The following SCN2A variants were observed in gnomAD, a reference collection of about 807,000 sequenced individuals.
The protein encoded by SCN2A is sodium channel protein type 2 subunit alpha.
Under a neutral mutation model 188.7 loss-of-function variants are expected in SCN2A, and 20 were observed. The observed-to-expected ratio is 0.11, with a 90% CI of 0.07 to 0.15. SCN2A has a LOEUF of 0.15. Among genes scored for constraint, SCN2A ranks in the 10% least tolerant of loss-of-function variants. The pLI, the probability that SCN2A is intolerant of heterozygous loss-of-function variation, is 1.00. For synonymous variants in SCN2A, 804 were observed against 833.1 expected, an observed-to-expected ratio of 0.97 and a Z score of 0.60; for missense variants, 1,278 against 2,445.0, an observed-to-expected ratio of 0.52 and a Z score of 10.07.
chr2:165,240,659 C>CTG (rs35247335), intron 1 of SCN2A, among the ~76,000 whole-genome samples: 29,952 of 136,284 alleles, frequency 0.22, 3,345 homozygotes, highest in Non-Finnish European at 0.24. Flanking sequence ...GTGGAAAGAG[C>CTG]TGTGTGTGTG....
intron 1 of SCN2A, among the ~76,000 whole-genome samples, chr2:165,255,459 G>A (rs16850290): frequency 0.33 from 50,168 of 151,684 alleles, 8,338 homozygotes; most frequent in Admixed American, 0.4. Context: ...CTCCATAAGC[G>A]TATTATTTTA....
chr2:165,276,403 A>T (rs918662102), intron 1 of SCN2A, among the ~76,000 whole-genome samples: 11 of 120,562 alleles, frequency 9.1e-5, no homozygotes, highest in Admixed American at 4.6e-4. Context: ...ATTTTAATTT[A>T]AAAAAAATGT....
chr2:165,300,140 A>T (rs181023838), intron 3 of SCN2A, among the ~76,000 whole-genome samples: 1 of 152,228 alleles, frequency 6.6e-6, no homozygotes, highest in Admixed American at 6.5e-5. Context: ...GTTAAAAATA[A>T]TCTATGTTCC....
In SCN2A at chr2:165,389,879, G is replaced by A; in HGVS notation, c.*55G>A. 1.9e-6 allele frequency: 3 copies of A among 1,544,006 alleles called. No homozygotes were observed. Among genetic ancestry groups the A allele is most frequent in the South Asian group, 1.2e-5 (1 of 83,518 alleles). ...TCAATTGTTTACAGCCCGTGATGGT[G>A]ATGTGTTTGTGTCAACAGGACTCCC... is the stretch of plus-strand genomic sequence containing the variant. On this transcript the variant is annotated 3_prime_UTR_variant, in exon 27 of 27. Coordinates refer to ENST00000375437, the MANE Select transcript of SCN2A (RefSeq NM_001040142.2). This position sits in a 1 kb window ranked among gnomAD's most constrained non-coding sequence, Gnocchi z 4.2.
intron 13 of SCN2A, 69 bp from the exon 14 acceptor site, chr2:165,331,261 A>T: frequency 8.1e-7 from 1 of 1,231,672 alleles, no homozygotes; most frequent in Non-Finnish European, 1.2e-6. Context: ...AATTCCTTTT[A>T]ATTTAAACCA....
At chr2:165,305,919 A>C (rs1054890887) in intron 3 of SCN2A, among the ~76,000 whole-genome samples, 1 of 152,166 alleles carries the variant, frequency 6.6e-6, no homozygotes, top group African/African-American at 2.4e-5. Flanking sequence ...AGACGTAAGC[A>C]AGTTTGTGTT....
At chr2:165,379,999 A>G (rs1701514406) in intron 23 of SCN2A, among the ~76,000 whole-genome samples, 1 of 151,990 alleles carries the variant, frequency 6.6e-6, no homozygotes, top group Admixed American at 6.6e-5. Flanking sequence ...TTCAGAAAGG[A>G]AAGATCAACC....
At chr2:165,321,362 TC>T (rs1276039027) in intron 11 of SCN2A, among the ~76,000 whole-genome samples, 1 of 152,200 alleles carries the variant, frequency 6.6e-6, no homozygotes, top group Non-Finnish European at 1.5e-5. Flanking sequence ...TTCCGAGCCC[TC>T]CAAACTGTTC....
intron 14 of SCN2A, among the ~76,000 whole-genome samples, chr2:165,337,121 A>G (rs995059415): frequency 6.6e-6 from 1 of 152,008 alleles, no homozygotes; most frequent in Non-Finnish European, 1.5e-5. Context: ...AAAAAAATGA[A>G]AACTGTAAAA....
chr2:165,335,717 A>C (rs1157325784), intron 14 of SCN2A, among the ~76,000 whole-genome samples: 2 of 151,846 alleles, frequency 1.3e-5, no homozygotes. Context: ...TACCAAAAGC[A>C]CACACAATAG....
chr2:165,264,463 A>C (rs992235763), intron 1 of SCN2A, among the ~76,000 whole-genome samples: 8 of 152,140 alleles, frequency 5.3e-5, no homozygotes, highest in Non-Finnish European at 1.2e-4. Context: ...AGGTAATAAA[A>C]AGCCATCTAT....
At chr2:165,310,280 T>C (rs764764706) in intron 6 of SCN2A, 43 bp from the exon 7 acceptor site, 2 of 1,606,730 alleles carry the variant, frequency 1.2e-6, no homozygotes, top group African/African-American at 2.7e-5. Flanking sequence ...AAAATAGCTG[T>C]TGAGTAGTAT....
intron 3 of SCN2A, among the ~76,000 whole-genome samples, chr2:165,299,008 A>G (rs911716466): frequency 2.6e-5 from 4 of 152,194 alleles, no homozygotes; most frequent in Non-Finnish European, 5.9e-5. Flanking sequence ...AGATGGAGTT[A>G]AGAAAACCCA....
chr2:165,279,153 T>A (rs1695477374), intron 1 of SCN2A, among the ~76,000 whole-genome samples: 1 of 152,096 alleles, frequency 6.6e-6, no homozygotes, highest in Non-Finnish European at 1.5e-5. Context: ...ATAATTTGAT[T>A]CAAAACCCAT....
chr2:165,388,401 T>C (rs1269128322), intron 26 of SCN2A, among the ~76,000 whole-genome samples: 1 of 152,138 alleles, frequency 6.6e-6, no homozygotes, highest in East Asian at 1.9e-4. Flanking sequence ...ATGCTTTCCT[T>C]GAACTAGGAA....
At chr2:165,350,460 CTTTCTT>C (rs1699826557) in intron 16 of SCN2A, among the ~76,000 whole-genome samples, 2 of 77,918 alleles carry the variant, frequency 2.6e-5, no homozygotes, top group East Asian at 8.9e-4. Flanking sequence ...GAACTGTTTT[CTTTCTT>C]TTTTTTTTTT....
intron 25 of SCN2A, among the ~76,000 whole-genome samples, chr2:165,383,554 C>T (rs1184711641): frequency 6.6e-6 from 1 of 152,094 alleles, no homozygotes; most frequent in African/African-American, 2.4e-5. Context: ...TGGACCCAGT[C>T]AGTCTGGGCT....
At chr2:165,370,004 G>A (rs1034796533) in intron 19 of SCN2A, 122 bp from the exon 20 acceptor site, 10 of 786,350 alleles carry the variant, frequency 1.3e-5, no homozygotes, top group Non-Finnish European at 6.2e-6. Flanking sequence ...TCAGCCATGG[G>A]AAACATTAAA....
Position 165,287,866 on chromosome 2 carries a change from G to A in SCN2A, c.-51-7907G>A, listed in dbSNP as rs353137. 3.3e-3 allele frequency among the ~76,000 whole-genome samples: 505 copies of A among 152,156 alleles called. 4 individuals carry two copies. The highest frequency in any genetic ancestry group is 0.024 in the Middle Eastern group (7 of 294). On this transcript the variant is annotated intron_variant, in intron 1 of 26. Transcript: ENST00000375437. ...ACCTCTGCAAAGCTGGGATGTTTTTGGTATCTGCTGTCCACAGCTCTCCAG... is the reference window on the plus strand; with the variant it reads ...ACCTCTGCAAAGCTGGGATGTTTTTAGTATCTGCTGTCCACAGCTCTCCAG...
Sources: gnomAD v4.1 joint callset for allele counts (sites outside exome capture counted in the v4.1 genomes callset) on GRCh38, gnomAD v4.1.1 for gene constraint, Gnocchi (gnomAD v3.1) non-coding constraint, MANE v1.5 for transcripts, NCBI Gene and HGNC (gene_info 2026-07-23, HGNC 2026-07-21) for gene names.